Variants in PDE3A observed in about 807,000 individuals in gnomAD.
PDE3A encodes the protein phosphodiesterase 3A.
PDE3A carries 43 observed loss-of-function variants against 98.3 expected under a neutral mutation model. That is an observed-to-expected ratio of 0.44 (90% CI 0.34 to 0.56). The LOEUF is 0.56. PDE3A is among the 20% of genes least tolerant of loss of function. The probability of loss-of-function intolerance (pLI) is 0.01; values close to 1 mark genes in which losing one functional copy is unlikely to be tolerated. For synonymous variants in PDE3A, 663 were observed against 567.9 expected (o/e 1.17, Z -2.38); for missense variants, 1,427 against 1,440.7 (o/e 0.99, Z 0.15).
intron 1 of PDE3A, among the ~76,000 whole-genome samples, chr12:20,452,114 A>G (rs1396051501): frequency 6.6e-6 from 1 of 152,186 alleles, no homozygotes; most frequent in Non-Finnish European, 1.5e-5. Flanking sequence ...GGGAGTACTT[A>G]ATCCCAGTAA....
chr12:20,581,804 G>A (rs889795970), intron 2 of PDE3A, among the ~76,000 whole-genome samples: 12 of 151,654 alleles, frequency 7.9e-5, no homozygotes, highest in Non-Finnish European at 1.8e-4. Context: ...AGTAGAGACG[G>A]GGTTTCACCG....
At chr12:20,431,611 ACACACACACACG>A (rs1200627566) in intron 1 of PDE3A, among the ~76,000 whole-genome samples, 1 of 151,464 alleles carries the variant, frequency 6.6e-6, no homozygotes, top group Non-Finnish European at 1.5e-5. Flanking sequence ...ACACACACAC[ACACACACACACG>A]CACACACACG....
intron 1 of PDE3A, among the ~76,000 whole-genome samples, chr12:20,398,107 G>T (rs368962694): frequency 6.7e-6 from 1 of 148,896 alleles, no homozygotes; most frequent in African/African-American, 2.5e-5. Flanking sequence ...ACGTTTTCTG[G>T]CTGGGGCAGG....
In PDE3A at chr12:20,684,532, A is replaced by G. The variant is rs959413338; in HGVS notation, c.*4261A>G. On this transcript the variant is annotated 3_prime_UTR_variant, in exon 16 of 16. Coordinates refer to ENST00000359062, the MANE Select transcript of PDE3A (RefSeq NM_000921.5). ...CAATTCCAGATAATTGAAAGCTAAA[A>G]TATCTATGTACTTTGAAGCCAAACT... Among the ~76,000 whole-genome samples, 12 of 152,230 alleles carry G rather than the reference A, an allele frequency of 7.9e-5. No individual in the cohort carries two copies. Among genetic ancestry groups the G allele is most frequent in the African/African-American group, 2.9e-4 (12 of 41,464 alleles).
chr12:20,551,397 A>T (rs927680590), intron 1 of PDE3A, among the ~76,000 whole-genome samples: 63 of 152,158 alleles, frequency 4.1e-4, no homozygotes, highest in Non-Finnish European at 7.4e-4. Flanking sequence ...TTTGTAATAA[A>T]AAAAAAAAGT....
chr12:20,595,345 C>T (rs1592092773), intron 2 of PDE3A, among the ~76,000 whole-genome samples: 1 of 152,124 alleles, frequency 6.6e-6, no homozygotes, highest in Non-Finnish European at 1.5e-5. Context: ...CTCACATTGA[C>T]TTGGCCTACC....
At chr12:20,377,582 T>A (rs1943594794) in intron 1 of PDE3A, among the ~76,000 whole-genome samples, 1 of 151,772 alleles carries the variant, frequency 6.6e-6, no homozygotes, top group South Asian at 2.1e-4. Flanking sequence ...ACCTCTTCAG[T>A]TATAATGAAA....
At chr12:20,466,006 G>A (rs76793529) in intron 1 of PDE3A, among the ~76,000 whole-genome samples, 7,302 of 152,228 alleles carry the variant, frequency 0.048, 206 homozygotes, top group South Asian at 0.066. Context: ...CTAGTGTGAA[G>A]AGCCAATGAA....
rs569253796 is a variant in PDE3A at position 20,455,185 on chromosome 12, G to A, written c.960+84941G>A. On this transcript the variant is annotated intron_variant, in intron 1 of 15. Coordinates refer to ENST00000359062, the MANE Select transcript of PDE3A (RefSeq NM_000921.5). ...TAGTGTGAGATGGTATCTCATTGTGGTTTTGATTTGCATTTCTCTAATGCT... is the reference window on the plus strand; with the variant it reads ...TAGTGTGAGATGGTATCTCATTGTGATTTTGATTTGCATTTCTCTAATGCT... Among the ~76,000 whole-genome samples, 11 of 152,190 alleles carry A rather than the reference G, an allele frequency of 7.2e-5. No individual in the cohort carries two copies. The South Asian group carries it at 2.1e-3, about 29-fold the overall frequency.
rs778276312 is a variant in PDE3A, at chr12:20,646,716, T to A, written c.2366-35T>A. ...AAGACAAATAATGTCAGTACTTTTT[T>A]AAAAACTTCTTTGACTCTCATTTTC... is the stretch of plus-strand genomic sequence containing the variant. On this transcript the variant is annotated intron_variant, in intron 11 of 15. Coordinates refer to ENST00000359062, the MANE Select transcript of PDE3A (RefSeq NM_000921.5). 1.0e-5 allele frequency: 16 copies of A among 1,523,812 alleles called. 1 individual carries two copies. The highest frequency in any genetic ancestry group is 5.6e-5 in the South Asian group (5 of 88,518). 94.4% of individuals were successfully genotyped at this position (1,523,812 alleles called of 1,614,324 possible). A position where few individuals can be genotyped will look rare whatever the true frequency, so the allele number is the denominator to read the frequency against.
In PDE3A at chr12:20,616,332, G is replaced by C. The variant is rs768532663; in HGVS notation, c.1372G>C (p.Val458Leu). 6.2e-7 allele frequency: 1 copy of C among 1,613,968 alleles called. No individual in the cohort carries two copies. Among genetic ancestry groups the C allele is most frequent in the Non-Finnish European group, 8.5e-7 (1 of 1,179,934 alleles). ...TGLPTLEPAP[V>L]RRDRSTSIKL... The stretch of plus-strand genomic sequence containing the variant: ...TCTACCCACCTTGGAGCCTGCACCA[G>C]TACGGAGAGACCGCAGCACCAGCAT... Residue 458 changes from valine (V) to leucine (L), a missense_variant, in exon 4 of 16, where the codon GTA becomes CTA. This residue lies in a region of PDE3A where 1,012 missense variants were observed against 886.5 expected (regional missense o/e 1.14). Transcript: ENST00000359062.
chr12:20,369,058 C>A lies in PDE3A; in HGVS notation c.-227C>A, dbSNP rs559726445. Among the ~76,000 whole-genome samples, 2 of 152,296 alleles carry A rather than the reference C, an allele frequency of 1.3e-5. No individual in the cohort carries two copies. Among genetic ancestry groups the A allele is most frequent in the African/African-American group, 4.8e-5 (2 of 41,574 alleles). On this transcript the variant is annotated 5_prime_UTR_variant, in exon 1 of 16. Transcript: ENST00000359062. ...CTTGTTTTCAACTTGAGCGTGCTAG[C>A]CTTTAACTTGAAGAAGTCTCATTGG... is the stretch of plus-strand genomic sequence containing the variant.
chr12:20,677,323 CT>C (rs1389847653), intron 15 of PDE3A, among the ~76,000 whole-genome samples: 2 of 152,084 alleles, frequency 1.3e-5, no homozygotes, highest in African/African-American at 4.8e-5. Flanking sequence ...TCAAAAAATT[CT>C]TATTCATTGG....
chr12:20,585,642 T>C (rs1019132493), intron 2 of PDE3A, among the ~76,000 whole-genome samples: 1 of 102,260 alleles, frequency 9.8e-6, no homozygotes, highest in African/African-American at 3.4e-5. Context: ...TTGTTCATTA[T>C]TAAATGAGAT....
At position 20,459,821 on chromosome 12, in the gene PDE3A, A is replaced by G. The variant is rs146351119; in HGVS notation, c.960+89577A>G. On this transcript the variant is annotated intron_variant, in intron 1 of 15. Transcript: ENST00000359062. Reference sequence around the variant, plus strand: ...TATAAGCAGTAAGATATTGAATGAAAGGAATCAATTACAGTGATAACAGAA... The same window carrying G: ...TATAAGCAGTAAGATATTGAATGAAGGGAATCAATTACAGTGATAACAGAA... Among the ~76,000 whole-genome samples, 744 of 152,304 alleles carry G rather than the reference A, an allele frequency of 4.9e-3. 6 individuals are homozygous for G. The highest frequency in any genetic ancestry group is 0.013 in the Admixed American group (194 of 15,280).
chr12:20,617,833 TTC>T (rs1182382519), intron 4 of PDE3A, among the ~76,000 whole-genome samples: 1 of 152,124 alleles, frequency 6.6e-6, no homozygotes, highest in African/African-American at 2.4e-5. Context: ...TGCTTTTCTC[TTC>T]TCTTAGTCAA....
chr12:20,555,683 T>C (rs1942352268), intron 1 of PDE3A, among the ~76,000 whole-genome samples: 1 of 152,248 alleles, frequency 6.6e-6, no homozygotes, highest in African/African-American at 2.4e-5. Flanking sequence ...TTGAGTAGAA[T>C]TGAGCACTCA....
chr12:20,585,303 T>C (rs1438075957), intron 2 of PDE3A, among the ~76,000 whole-genome samples: 2 of 152,198 alleles, frequency 1.3e-5, no homozygotes, highest in Non-Finnish European at 2.9e-5. Flanking sequence ...TGAAGCATAG[T>C]TTAGGCTTAG....
intron 1 of PDE3A, among the ~76,000 whole-genome samples, chr12:20,374,428 G>A (rs1053798723): frequency 7.2e-5 from 11 of 151,992 alleles, no homozygotes; most frequent in African/African-American, 2.4e-4. Context: ...ATGCTGGGCT[G>A]TCATGTTAAT....
Sources: gnomAD v4.1 joint callset for allele counts (sites outside exome capture counted in the v4.1 genomes callset) on GRCh38, gnomAD v4.1.1 for gene constraint, gnomAD v4.1.1 regional missense constraint, MANE v1.5 for transcripts, NCBI Gene and HGNC (gene_info 2026-07-23, HGNC 2026-07-21) for gene names.